The following TACR3 variants were observed in gnomAD, a reference collection of about 807,000 sequenced individuals.
TACR3 encodes tachykinin receptor 3, also known as neuromedin-K receptor.
TACR3 carries 34 observed loss-of-function variants against 35.0 expected under a neutral mutation model. The ratio of observed to expected loss-of-function variants is 0.97; its 90% CI spans 0.74 to 1.30. The LOEUF (loss-of-function observed/expected upper bound fraction) is 1.30. Among genes scored for constraint, TACR3 ranks in the 50% most tolerant of loss-of-function variants. TACR3 has a pLI of 0.00. For synonymous variants in TACR3, 233 were observed against 221.1 expected, an observed-to-expected ratio of 1.05 and a Z score of -0.48; for missense variants, 558 against 591.7, an observed-to-expected ratio of 0.94 and a Z score of 0.59.
At chr4:103,713,789 C>T (rs1176176695) in intron 1 of TACR3, among the ~76,000 whole-genome samples, 8 of 151,944 alleles carry the variant, frequency 5.3e-5, no homozygotes, top group Admixed American at 5.3e-4. Context: ...GCAACTTTTG[C>T]ATTTAATCAT....
At chr4:103,655,382 A>T (rs901320218) in intron 3 of TACR3, among the ~76,000 whole-genome samples, 1 of 152,126 alleles carries the variant, frequency 6.6e-6, no homozygotes, top group Non-Finnish European at 1.5e-5. Context: ...TGATTGGCAT[A>T]ATCAGTAGGA....
At chr4:103,710,058 C>A (rs891670283) in intron 1 of TACR3, among the ~76,000 whole-genome samples, 9 of 152,068 alleles carry the variant, frequency 5.9e-5, no homozygotes, top group East Asian at 1.9e-4. Flanking sequence ...AATAATAATG[C>A]AAGACTTTAA....
At chr4:103,613,144 G>A (rs565593922) in intron 3 of TACR3, among the ~76,000 whole-genome samples, 2 of 152,084 alleles carry the variant, frequency 1.3e-5, no homozygotes, top group Non-Finnish European at 2.9e-5. Context: ...ATATAGTGCT[G>A]GTGAAAATAA....
intron 1 of TACR3, among the ~76,000 whole-genome samples, chr4:103,687,720 A>G (rs543399576): frequency 1.8e-4 from 28 of 152,328 alleles, no homozygotes; most frequent in Non-Finnish European, 3.7e-4. Flanking sequence ...AAGGAGAACT[A>G]CAAACCACTC....
intron 3 of TACR3, among the ~76,000 whole-genome samples, chr4:103,629,027 A>G (rs748469681): frequency 6.6e-6 from 1 of 152,214 alleles, no homozygotes; most frequent in Non-Finnish European, 1.5e-5. Context: ...ACACAGAACC[A>G]ATGACAAAAA....
intron 3 of TACR3, among the ~76,000 whole-genome samples, chr4:103,597,301 G>T (rs1334461311): frequency 6.6e-6 from 1 of 152,054 alleles, no homozygotes; most frequent in African/African-American, 2.4e-5. Flanking sequence ...ATTCTAACTG[G>T]TGTGAGATGA....
intron 3 of TACR3, among the ~76,000 whole-genome samples, chr4:103,607,085 C>G (rs1432391254): frequency 6.6e-6 from 1 of 151,968 alleles, no homozygotes; most frequent in African/African-American, 2.4e-5. Flanking sequence ...TCAATATACG[C>G]AAATCAATAA....
intron 1 of TACR3, among the ~76,000 whole-genome samples, chr4:103,685,333 T>C (rs1473199080): frequency 2.0e-5 from 3 of 151,968 alleles, no homozygotes; most frequent in Non-Finnish European, 4.4e-5. Flanking sequence ...TTACATTGAG[T>C]TCAAGCTAAG....
Position 103,719,775 on chromosome 4 carries a change from C to T in TACR3, c.-100G>A, listed in dbSNP as rs542687510. On this transcript the variant is annotated 5_prime_UTR_variant, in exon 1 of 5. Transcript: ENST00000304883. ...CTCTGCCTCCTGGTCACTTTGGTGCCGGAGTCTTCAGATAAGACTGGAAGC... is the reference window on the plus strand; with the variant it reads ...CTCTGCCTCCTGGTCACTTTGGTGCTGGAGTCTTCAGATAAGACTGGAAGC... The T allele has an allele frequency of 7.0e-5, 103 of 1,478,728 alleles. 1 individual carries two copies. In the South Asian group the frequency reaches 1.1e-3, roughly 16 times the overall value. The allele number at this position is 1,478,728 out of a possible 1,614,324, so 91.6% of individuals were successfully genotyped here.
At chr4:103,629,881 C>CAAAAAAAAA (rs1560814125) in intron 3 of TACR3, among the ~76,000 whole-genome samples, 1 of 117,692 alleles carries the variant, frequency 8.5e-6, no homozygotes, top group African/African-American at 3.5e-5. Context: ...ACAAAAAAAA[C>CAAAAAAAAA]AACAACAACA....
At chr4:103,687,717 A>G in intron 1 of TACR3, among the ~76,000 whole-genome samples, 1 of 152,200 alleles carries the variant, frequency 6.6e-6, no homozygotes, top group Non-Finnish European at 1.5e-5. Context: ...TTCAAGGAGA[A>G]CTACAAACCA....
intron 3 of TACR3, among the ~76,000 whole-genome samples, chr4:103,611,311 A>G (rs1432633896): frequency 1.3e-5 from 2 of 152,008 alleles, no homozygotes; most frequent in African/African-American, 4.8e-5. Context: ...TTAATGTTTC[A>G]TAGTTTTTAT....
chr4:103,703,798 A>G (rs564439616), intron 1 of TACR3, among the ~76,000 whole-genome samples: 1 of 152,152 alleles, frequency 6.6e-6, no homozygotes, highest in Admixed American at 6.5e-5. Flanking sequence ...AACTTTGGGT[A>G]TTAAGAAATT....
intron 3 of TACR3, among the ~76,000 whole-genome samples, chr4:103,606,262 G>GC (rs1164489205): frequency 2.6e-5 from 4 of 151,916 alleles, no homozygotes; most frequent in African/African-American, 7.3e-5. Flanking sequence ...GTAGTGTGAT[G>GC]CCTCCAGCTT....
chr4:103,697,414 ATTTATTT>A (rs1560535651), intron 1 of TACR3, among the ~76,000 whole-genome samples: 5 of 149,732 alleles, frequency 3.3e-5, no homozygotes, highest in African/African-American at 1.2e-4. Context: ...TTATTTATTT[ATTTATTT>A]ATTTATTTAT....
At chr4:103,613,845 T>A (rs1053552198) in intron 3 of TACR3, among the ~76,000 whole-genome samples, 2 of 151,884 alleles carry the variant, frequency 1.3e-5, no homozygotes, top group African/African-American at 4.8e-5. Flanking sequence ...TCACATTACC[T>A]CTTTTTTTTT....
chr4:103,686,941 C>CA (rs1034644909), intron 1 of TACR3, among the ~76,000 whole-genome samples: 1 of 151,826 alleles, frequency 6.6e-6, no homozygotes, highest in Non-Finnish European at 1.5e-5. Flanking sequence ...GAGACACAAC[C>CA]AAAAAAGAGA....
At chr4:103,661,076 A>G (rs1334780539) in intron 1 of TACR3, among the ~76,000 whole-genome samples, 2 of 152,074 alleles carry the variant, frequency 1.3e-5, no homozygotes, top group East Asian at 3.9e-4. Flanking sequence ...GTCTTCAAAG[A>G]CAATATAGAT....
At chr4:103,599,363 A>G (rs545143560) in intron 3 of TACR3, among the ~76,000 whole-genome samples, 28 of 152,270 alleles carry the variant, frequency 1.8e-4, no homozygotes, top group East Asian at 9.6e-4. Flanking sequence ...GGCTGAGACA[A>G]TGGGGTTTTC....
Sources: allele counts gnomAD v4.1 joint callset (sites outside exome capture counted in the v4.1 genomes callset), GRCh38; gene constraint gnomAD v4.1.1; transcripts MANE v1.5; gene names NCBI Gene and HGNC (gene_info 2026-07-23, HGNC 2026-07-21).